Variants in CHCHD3 observed in about 807,000 individuals in gnomAD.
CHCHD3 encodes coiled-coil-helix-coiled-coil-helix domain containing 3, also known as MICOS complex subunit MIC19.
In CHCHD3, 20 loss-of-function variants were observed where a neutral mutation model predicts 38.2. That is an observed-to-expected ratio of 0.52 (90% CI 0.37 to 0.76). The LOEUF (loss-of-function observed/expected upper bound fraction) is 0.76, where lower values mean the gene tolerates loss of function less well. CHCHD3 is among the 30% of genes least tolerant of loss of function. The pLI, the probability that CHCHD3 is intolerant of heterozygous loss-of-function variation, is 0.00. For synonymous variants in CHCHD3, 82 were observed against 100.0 expected (o/e 0.82, Z 1.07); for missense variants, 245 against 279.2 (o/e 0.88, Z 0.87).
intron 5 of CHCHD3, among the ~76,000 whole-genome samples, chr7:132,865,866 CA>C (rs1313303821): frequency 1.3e-5 from 2 of 152,148 alleles, no homozygotes; most frequent in African/African-American, 4.8e-5. Context: ...TGCCTAATCA[CA>C]AGAAACACTT....
intron 3 of CHCHD3, among the ~76,000 whole-genome samples, chr7:132,983,955 T>G (rs886613517): frequency 1.5e-5 from 2 of 130,822 alleles, no homozygotes; most frequent in Non-Finnish European, 3.2e-5. Flanking sequence ...ATACAACTTC[T>G]CGGAAAGGCT....
chr7:132,986,664 T>G (rs906146841), intron 3 of CHCHD3, among the ~76,000 whole-genome samples: 1 of 152,260 alleles, frequency 6.6e-6, no homozygotes, highest in East Asian at 1.9e-4. Flanking sequence ...GCAAACCAGT[T>G]CCCAGATGCC....
intron 5 of CHCHD3, among the ~76,000 whole-genome samples, chr7:132,854,756 AT>A (rs887590977): frequency 1.0e-4 from 15 of 149,220 alleles, no homozygotes; most frequent in African/African-American, 1.2e-4. Flanking sequence ...CCTGAATTAG[AT>A]TTTTTTTTTT....
intron 4 of CHCHD3, chr7:132,972,958 G>A: frequency 1.0e-6 from 1 of 985,412 alleles, no homozygotes; most frequent in Non-Finnish European, 1.2e-6. Flanking sequence ...AGAACAGACT[G>A]CAGATATGCT....
chr7:132,868,971 T>C (rs1217351430), intron 5 of CHCHD3, among the ~76,000 whole-genome samples: 2 of 152,100 alleles, frequency 1.3e-5, no homozygotes, highest in African/African-American at 2.4e-5. Context: ...ATGGAAAATA[T>C]AACTCAGTCT....
intron 3 of CHCHD3, among the ~76,000 whole-genome samples, chr7:133,001,330 C>T (rs1381752007): frequency 6.6e-6 from 1 of 152,162 alleles, no homozygotes; most frequent in African/African-American, 2.4e-5. Flanking sequence ...TTATCCCTTT[C>T]TCTCACATCT....
At chr7:132,846,490 T>C (rs1408904877) in intron 5 of CHCHD3, among the ~76,000 whole-genome samples, 2 of 152,260 alleles carry the variant, frequency 1.3e-5, no homozygotes, top group Non-Finnish European at 1.5e-5. Flanking sequence ...AAAAGCTAAC[T>C]GATTATGCTC....
chr7:132,823,628 C>G (rs1338247844), intron 6 of CHCHD3, among the ~76,000 whole-genome samples: 2 of 152,118 alleles, frequency 1.3e-5, no homozygotes, highest in East Asian at 3.8e-4. Flanking sequence ...TTAAAAGGCT[C>G]ATTTAATAAT....
At chr7:132,899,213 G>A (rs953816102) in intron 4 of CHCHD3, among the ~76,000 whole-genome samples, 1 of 152,230 alleles carries the variant, frequency 6.6e-6, no homozygotes, top group Non-Finnish European at 1.5e-5. Flanking sequence ...GGGCATGTGT[G>A]GGAAGGGTGG....
At chr7:132,913,435 G>T (rs1262521732) in intron 4 of CHCHD3, among the ~76,000 whole-genome samples, 1 of 152,130 alleles carries the variant, frequency 6.6e-6, no homozygotes, top group Non-Finnish European at 1.5e-5. Context: ...CAAGAGTCTG[G>T]GTAGGAATTC....
chr7:133,064,338 G>A (rs1031738737), intron 2 of CHCHD3, among the ~76,000 whole-genome samples: 2 of 152,146 alleles, frequency 1.3e-5, no homozygotes, highest in Admixed American at 6.5e-5. Context: ...CTTACTATTA[G>A]GAACAGTCAG....
chr7:133,047,134 A>G (rs943649614), intron 2 of CHCHD3, among the ~76,000 whole-genome samples: 5 of 152,228 alleles, frequency 3.3e-5, no homozygotes, highest in African/African-American at 1.2e-4. Flanking sequence ...AGACAACACC[A>G]GATCATGGAA....
At chr7:132,894,940 TAGG>T (rs550444160) in intron 4 of CHCHD3, among the ~76,000 whole-genome samples, 1 of 152,174 alleles carries the variant, frequency 6.6e-6, no homozygotes, top group Non-Finnish European at 1.5e-5. Flanking sequence ...GCTCAAAAAG[TAGG>T]AGGCTACTAG....
chr7:133,030,648 T>C (rs1203888017), intron 2 of CHCHD3, among the ~76,000 whole-genome samples: 1 of 152,240 alleles, frequency 6.6e-6, no homozygotes, highest in Admixed American at 6.5e-5. Flanking sequence ...CATACTCTCC[T>C]TTTAGAAATG....
At chr7:132,879,074 G>A (rs1250373658) in intron 5 of CHCHD3, among the ~76,000 whole-genome samples, 1 of 152,106 alleles carries the variant, frequency 6.6e-6, no homozygotes, top group Non-Finnish European at 1.5e-5. Context: ...GTAAGCACAT[G>A]ATGAATAATA....
chr7:132,900,669 C>G (rs1003333631), intron 4 of CHCHD3, among the ~76,000 whole-genome samples: 2 of 152,134 alleles, frequency 1.3e-5, no homozygotes, highest in African/African-American at 4.8e-5. Context: ...AAAACTAAAT[C>G]CTTAAGATGC....
At chr7:133,068,726 T>G (rs774887729) in intron 2 of CHCHD3, among the ~76,000 whole-genome samples, 4 of 151,864 alleles carry the variant, frequency 2.6e-5, no homozygotes, top group Non-Finnish European at 5.9e-5. Context: ...AGAGATGGAG[T>G]TGACAAGACT....
chr7:133,018,359 C>T (rs1401496450), intron 3 of CHCHD3, among the ~76,000 whole-genome samples: 3 of 152,196 alleles, frequency 2.0e-5, no homozygotes, highest in Non-Finnish European at 4.4e-5. Flanking sequence ...ACCTTCTTTG[C>T]AACTATTTAT....
chr7:132,932,017 AG>A (rs1452284873), intron 4 of CHCHD3, among the ~76,000 whole-genome samples: 1 of 152,204 alleles, frequency 6.6e-6, no homozygotes, highest in African/African-American at 2.4e-5. Context: ...TAACATTGGA[AG>A]TGCTCCTGAA....
Sources: allele counts gnomAD v4.1 joint callset (sites outside exome capture counted in the v4.1 genomes callset), GRCh38; gene constraint gnomAD v4.1.1; transcripts MANE v1.5; gene names NCBI Gene and HGNC (gene_info 2026-07-23, HGNC 2026-07-21).